The following COMMD10 variants were observed in gnomAD, a reference collection of about 807,000 sequenced individuals.
The protein encoded by COMMD10 is COMM domain-containing protein 10.
Under a neutral mutation model 28.9 loss-of-function variants are expected in COMMD10, and 33 were observed. That is an observed-to-expected ratio of 1.14 (90% confidence interval 0.87 to 1.53). The LOEUF (loss-of-function observed/expected upper bound fraction) is 1.53, where lower values mean the gene tolerates loss of function less well. COMMD10 is among the 40% of genes most tolerant of loss of function. COMMD10 has a pLI of 0.00. For missense variants in COMMD10, 310 were observed against 233.4 expected (o/e 1.33, Z -2.14); for synonymous variants, 110 against 81.7 (o/e 1.35, Z -1.87).
At chr5:116,175,503 T>A (rs895695492) in intron 5 of COMMD10, among the ~76,000 whole-genome samples, 10 of 152,160 alleles carry the variant, frequency 6.6e-5, no homozygotes. Flanking sequence ...AGAATTACCA[T>A]ATGACCTAGC....
chr5:116,103,382 C>T (rs1238505118), intron 4 of COMMD10, among the ~76,000 whole-genome samples: 1 of 152,170 alleles, frequency 6.6e-6, no homozygotes, highest in Non-Finnish European at 1.5e-5. Flanking sequence ...GAGATGGTAT[C>T]TCATTGTGGT....
intron 5 of COMMD10, among the ~76,000 whole-genome samples, chr5:116,243,543 C>A (rs1186673826): frequency 6.6e-6 from 1 of 151,890 alleles, no homozygotes; most frequent in Non-Finnish European, 1.5e-5. Context: ...GGTGTTTAAA[C>A]AAATAAAAAT....
At chr5:116,217,712 A>G (rs1317761355) in intron 5 of COMMD10, among the ~76,000 whole-genome samples, 1 of 152,158 alleles carries the variant, frequency 6.6e-6, no homozygotes, top group African/African-American at 2.4e-5. Context: ...TTGTTTTTCC[A>G]TACCACAAGG....
intron 5 of COMMD10, among the ~76,000 whole-genome samples, chr5:116,280,749 T>A (rs1457658107): frequency 2.0e-5 from 3 of 151,894 alleles, no homozygotes; most frequent in Non-Finnish European, 4.4e-5. Context: ...TGATGCTTAG[T>A]AAAGATTGTC....
rs184682230 is a variant in COMMD10, at chr5:116,204,228, G to A, written c.510+70050G>A. 4.5e-3 allele frequency among the ~76,000 whole-genome samples: 690 copies of A among 152,120 alleles called. 4 individuals carry two copies. Among genetic ancestry groups the A allele is most frequent in the African/African-American group, 0.015 (628 of 41,518 alleles). ...ATATGCACCCAATACAGGAGCACCC[G>A]GATTCATAAAGCAAGTCCTAAGTGA... On this transcript the variant is annotated intron_variant, in intron 5 of 6. Coordinates refer to ENST00000274458, the MANE Select transcript of COMMD10 (RefSeq NM_016144.4).
At position 116,121,742 on chromosome 5, in the gene COMMD10, C is replaced by A. The variant is rs1367996919; in HGVS notation, c.400-12326C>A. Among the ~76,000 whole-genome samples the A allele has an allele frequency of 5.3e-5, 8 of 152,348 alleles. No homozygotes were observed. The South Asian group carries it at 1.4e-3, about 28-fold the overall frequency. On this transcript the variant is annotated intron_variant, in intron 4 of 6. Transcript: ENST00000274458. ...TTCTCTGATGGCCAGTGATGATGAG[C>A]ATTTTTTCATGTGTCTGTTGGCTGT...
At position 116,184,232 on chromosome 5, in the gene COMMD10, A is replaced by T. The variant is rs1312786906; in HGVS notation, c.510+50054A>T. The stretch of plus-strand genomic sequence containing the variant: ...TAGTTCTGTCTCTCTTTTTTTTTTT[A>T]ATCCAGGATGTCAATCCTTTTGTGT... On this transcript the variant is annotated intron_variant, in intron 5 of 6. Transcript: ENST00000274458. Among the ~76,000 whole-genome samples, 5 of 151,154 alleles carry T rather than the reference A, an allele frequency of 3.3e-5. No homozygotes were observed. In the East Asian group the frequency reaches 5.8e-4, roughly 18 times the overall value.
intron 5 of COMMD10, among the ~76,000 whole-genome samples, chr5:116,276,534 C>T (rs928288980): frequency 5.9e-5 from 9 of 151,790 alleles, no homozygotes; most frequent in African/African-American, 2.2e-4. Flanking sequence ...CCATGCCCAG[C>T]CGTATCTTCT....
chr5:116,167,052 C>T (rs568260755), intron 5 of COMMD10, among the ~76,000 whole-genome samples: 15 of 151,986 alleles, frequency 9.9e-5, no homozygotes, highest in East Asian at 3.9e-4. Context: ...CAAACTTCTC[C>T]GAGCTAAAGG....
chr5:116,139,188 C>T (rs1389666564), intron 5 of COMMD10, among the ~76,000 whole-genome samples: 3 of 151,692 alleles, frequency 2.0e-5, no homozygotes, highest in African/African-American at 7.2e-5. Flanking sequence ...ATAGGATTAT[C>T]GTTACATGGA....
At chr5:116,138,472 C>G (rs1037217622) in intron 5 of COMMD10, among the ~76,000 whole-genome samples, 25 of 151,802 alleles carry the variant, frequency 1.6e-4, no homozygotes, top group Admixed American at 5.3e-4. Context: ...AACACTTTAA[C>G]TTTGAATATC....
intron 5 of COMMD10, among the ~76,000 whole-genome samples, chr5:116,170,313 A>G (rs1753279865): frequency 6.6e-6 from 1 of 152,214 alleles, no homozygotes; most frequent in South Asian, 2.1e-4. Flanking sequence ...GGGGAACTGC[A>G]AACAACTTCT....
At chr5:116,195,740 GA>G (rs909702904) in intron 5 of COMMD10, among the ~76,000 whole-genome samples, 1 of 151,670 alleles carries the variant, frequency 6.6e-6, no homozygotes, top group Non-Finnish European at 1.5e-5. Context: ...AAATCAGTAA[GA>G]AAAAAACAAT....
intron 5 of COMMD10, among the ~76,000 whole-genome samples, chr5:116,200,305 C>G (rs576576702): frequency 6.6e-6 from 1 of 151,890 alleles, no homozygotes; most frequent in East Asian, 1.9e-4. Flanking sequence ...TATCTTTGCT[C>G]CTCTGTAAGT....
At chr5:116,163,526 T>G (rs980697479) in intron 5 of COMMD10, among the ~76,000 whole-genome samples, 1 of 150,486 alleles carries the variant, frequency 6.6e-6, no homozygotes, top group African/African-American at 2.5e-5. Context: ...GAAGTAGAGG[T>G]TTCGGTGAGC....
intron 5 of COMMD10, among the ~76,000 whole-genome samples, chr5:116,244,532 G>A (rs1340139263): frequency 6.6e-6 from 1 of 151,514 alleles, no homozygotes; most frequent in African/African-American, 2.4e-5. Flanking sequence ...AGCTATGGGG[G>A]TACAGTAGAG....
intron 1 of COMMD10, among the ~76,000 whole-genome samples, chr5:116,087,130 C>T (rs942996027): frequency 6.6e-6 from 1 of 152,170 alleles, no homozygotes; most frequent in Non-Finnish European, 1.5e-5. Context: ...GTGTAATTGC[C>T]ATAATTGCTA....
intron 5 of COMMD10, among the ~76,000 whole-genome samples, chr5:116,212,891 T>C (rs1019770823): frequency 6.6e-6 from 1 of 152,096 alleles, no homozygotes; most frequent in Non-Finnish European, 1.5e-5. Flanking sequence ...ATAAAATTTA[T>C]GTCATGTGGT....
chr5:116,235,449 G>C (rs1055303863), intron 5 of COMMD10, among the ~76,000 whole-genome samples: 1 of 152,122 alleles, frequency 6.6e-6, no homozygotes, highest in African/African-American at 2.4e-5. Context: ...TCCTGGGTTA[G>C]ATTTGCTGTT....
Sources: gnomAD v4.1 joint callset for allele counts (sites outside exome capture counted in the v4.1 genomes callset) on GRCh38, gnomAD v4.1.1 for gene constraint, MANE v1.5 for transcripts, NCBI Gene and HGNC (gene_info 2026-07-23, HGNC 2026-07-21) for gene names.